Variants in NPSR1 observed in about 807,000 individuals in gnomAD.
NPSR1 encodes neuropeptide S receptor.
Under a neutral mutation model 46.9 loss-of-function variants are expected in NPSR1, and 48 were observed. The observed-to-expected ratio is 1.02, with a 90% CI of 0.81 to 1.30. The LOEUF is 1.30. Among genes scored for constraint, NPSR1 ranks in the 50% most tolerant of loss-of-function variants. NPSR1 has a pLI of 0.00. For missense variants in NPSR1, 450 were observed against 449.5 expected (o/e 1.00, Z -0.01); for synonymous variants, 176 against 168.1 (o/e 1.05, Z -0.36).
At chr7:34,664,333 G>A (rs1003297303) in intron 1 of NPSR1, among the ~76,000 whole-genome samples, 1 of 152,264 alleles carries the variant, frequency 6.6e-6, no homozygotes. Flanking sequence ...CCTGTAGAGA[G>A]TTGTTGTGAA....
chr7:34,823,903 C>G (rs904843276), intron 4 of NPSR1, among the ~76,000 whole-genome samples: 1 of 152,120 alleles, frequency 6.6e-6, no homozygotes, highest in Non-Finnish European at 1.5e-5. Flanking sequence ...TGCTGGCTGT[C>G]TCAGTTTCAA....
At chr7:34,868,285 C>A (rs1416226705) in intron 8 of NPSR1, among the ~76,000 whole-genome samples, 9 of 151,516 alleles carry the variant, frequency 5.9e-5, no homozygotes, top group Non-Finnish European at 1.3e-4. Flanking sequence ...GAGGGAGGGA[C>A]CAGGCAGCAG....
intron 2 of NPSR1, among the ~76,000 whole-genome samples, chr7:34,698,677 G>A (rs965978617): frequency 2.0e-5 from 3 of 152,194 alleles, no homozygotes; most frequent in Non-Finnish European, 4.4e-5. Context: ...CCTTCAATTT[G>A]TGAGGTAGAA....
chr7:34,775,936 C>T (rs1019070325), intron 2 of NPSR1, among the ~76,000 whole-genome samples: 5 of 151,974 alleles, frequency 3.3e-5, no homozygotes, highest in Non-Finnish European at 5.9e-5. Context: ...TTTCTATTAT[C>T]ATTTGTTTCA....
At chr7:34,865,676 T>C (rs1267781768) in intron 8 of NPSR1, among the ~76,000 whole-genome samples, 2 of 151,724 alleles carry the variant, frequency 1.3e-5, no homozygotes, top group African/African-American at 4.9e-5. Context: ...CTTAGCATCC[T>C]TAGCAGGTAT....
At position 34,658,308 on chromosome 7, in the gene NPSR1, T is replaced by C. The variant is rs1791277554; in HGVS notation, c.-105T>C. ...GTGGGCTCAGGGAGGGCTCTGTGCC[T>C]CCGTTCAGCAGAGCTGCAGCTGCTG... On this transcript the variant is annotated 5_prime_UTR_variant, in exon 1 of 9. Transcript: ENST00000360581. 7.7e-7 allele frequency: 1 copy of C among 1,301,882 alleles called. No individual in the cohort carries two copies. The highest frequency in any genetic ancestry group is 2.3e-5 in the East Asian group (1 of 42,996). The allele number at this position is 1,301,882 out of a possible 1,614,324, so 80.6% of individuals were successfully genotyped here.
At chr7:34,832,268 T>C (rs1449258191) in intron 5 of NPSR1, among the ~76,000 whole-genome samples, 1 of 152,174 alleles carries the variant, frequency 6.6e-6, no homozygotes, top group African/African-American at 2.4e-5. Flanking sequence ...GTGTGGTGAC[T>C]CACACCTGTA....
At chr7:34,751,765 G>T in intron 2 of NPSR1, 8 of 1,587,302 alleles carry the variant, frequency 5.0e-6, no homozygotes, top group Non-Finnish European at 6.9e-6. Flanking sequence ...CTTCTCCAGG[G>T]CCTGTTTTGC....
intron 4 of NPSR1, among the ~76,000 whole-genome samples, chr7:34,823,815 T>G (rs924718287): frequency 2.6e-5 from 4 of 152,180 alleles, no homozygotes; most frequent in Non-Finnish European, 5.9e-5. Flanking sequence ...TATTTATCAG[T>G]GCTTTTCCAA....
chr7:34,663,670 C>T (rs747248478), intron 1 of NPSR1, among the ~76,000 whole-genome samples: 1 of 152,204 alleles, frequency 6.6e-6, no homozygotes, highest in Non-Finnish European at 1.5e-5. Flanking sequence ...CAGCATCTGA[C>T]ACCACTGCTG....
At chr7:34,773,993 A>T (rs1257535538) in intron 2 of NPSR1, among the ~76,000 whole-genome samples, 1 of 152,170 alleles carries the variant, frequency 6.6e-6, no homozygotes. Flanking sequence ...AGTCCCTTTC[A>T]TTCAGGTCCC....
intron 2 of NPSR1, chr7:34,728,607 C>T (rs1239029812): frequency 6.6e-6 from 1 of 152,610 alleles, no homozygotes; most frequent in African/African-American, 2.4e-5. Flanking sequence ...TTTTCAGGAA[C>T]CATCCAAGCA....
chr7:34,842,540 A>G (rs1186452783), intron 6 of NPSR1, among the ~76,000 whole-genome samples: 1 of 152,188 alleles, frequency 6.6e-6, no homozygotes, highest in Non-Finnish European at 1.5e-5. Context: ...GATCACCCCC[A>G]ATGGAGAATC....
chr7:34,751,498 G>T, intron 2 of NPSR1: 1 of 1,382,284 alleles, frequency 7.2e-7, no homozygotes, highest in Non-Finnish European at 1.0e-6. Context: ...GTCATCTGCT[G>T]CCCCAACCAG....
At chr7:34,767,576 A>C (rs1241098117) in intron 2 of NPSR1, among the ~76,000 whole-genome samples, 1 of 152,214 alleles carries the variant, frequency 6.6e-6, no homozygotes, top group Admixed American at 6.5e-5. Flanking sequence ...GAAAATCAGT[A>C]AGAAAAGGAC....
chr7:34,700,308 G>GTAGT (rs1793756716), intron 2 of NPSR1, among the ~76,000 whole-genome samples: 1 of 152,190 alleles, frequency 6.6e-6, no homozygotes, highest in Non-Finnish European at 1.5e-5. Flanking sequence ...TCAGTGCAAC[G>GTAGT]ATTGTACTGG....
intron 2 of NPSR1, among the ~76,000 whole-genome samples, chr7:34,749,370 G>C (rs952123898): frequency 6.6e-6 from 1 of 152,194 alleles, no homozygotes; most frequent in Non-Finnish European, 1.5e-5. Flanking sequence ...GAAGGGGGTA[G>C]AAAGGGGAAG....
chr7:34,811,402 G>C (rs1788979368), intron 3 of NPSR1, among the ~76,000 whole-genome samples: 1 of 152,050 alleles, frequency 6.6e-6, no homozygotes, highest in Non-Finnish European at 1.5e-5. Context: ...CTGCCATGCT[G>C]TTCTGCCATT....
chr7:34,790,824 G>A (rs1164565132), intron 3 of NPSR1, among the ~76,000 whole-genome samples: 1 of 127,824 alleles, frequency 7.8e-6, no homozygotes, highest in Admixed American at 8.6e-5. Context: ...TATGTTATAG[G>A]TTATATGTTA....
Sources: gnomAD v4.1 joint callset for allele counts (sites outside exome capture counted in the v4.1 genomes callset) on GRCh38, gnomAD v4.1.1 for gene constraint, MANE v1.5 for transcripts, NCBI Gene and HGNC (gene_info 2026-07-23, HGNC 2026-07-21) for gene names.